ZNF804A: variants seen among roughly 807,000 people sequenced by gnomAD.
ZNF804A encodes zinc finger protein 804A.
ZNF804A carries 2 observed loss-of-function variants against 16.5 expected under a neutral mutation model. That is an observed-to-expected ratio of 0.12 (90% CI 0.05 to 0.38). The LOEUF is 0.38. Among genes scored for constraint, ZNF804A ranks in the 10% least tolerant of loss-of-function variants. The probability of loss-of-function intolerance (pLI) is 0.99; values close to 1 mark genes in which losing one functional copy is unlikely to be tolerated. For synonymous variants in ZNF804A, 534 were observed against 489.6 expected (o/e 1.09, Z -1.20); for missense variants, 1,473 against 1,390.7 (o/e 1.06, Z -0.94).
intron 1 of ZNF804A, among the ~76,000 whole-genome samples, chr2:184,703,147 C>A (rs140494249): frequency 6.6e-6 from 1 of 152,060 alleles, no homozygotes; most frequent in East Asian, 1.9e-4. Flanking sequence ...TGTTTACTAC[C>A]CAAATAATTT....
intron 1 of ZNF804A, among the ~76,000 whole-genome samples, chr2:184,836,422 G>A (rs1025837755): frequency 6.6e-6 from 1 of 152,120 alleles, no homozygotes; most frequent in Non-Finnish European, 1.5e-5. Flanking sequence ...TACAGAATCA[G>A]TGTCTTAGAG....
intron 2 of ZNF804A, among the ~76,000 whole-genome samples, chr2:184,905,581 A>AT (rs1685258065): frequency 1.3e-5 from 2 of 151,986 alleles, no homozygotes; most frequent in South Asian, 4.2e-4. Flanking sequence ...GTGATGTGTT[A>AT]TTTTTTCTGT....
chr2:184,669,051 G>T (rs1415902391), intron 1 of ZNF804A, among the ~76,000 whole-genome samples: 1 of 151,898 alleles, frequency 6.6e-6, no homozygotes, highest in Non-Finnish European at 1.5e-5. Context: ...TTGTGAGGGA[G>T]CATCCCTTTT....
At chr2:184,707,007 C>A (rs922286657) in intron 1 of ZNF804A, among the ~76,000 whole-genome samples, 52 of 152,088 alleles carry the variant, frequency 3.4e-4, no homozygotes, top group African/African-American at 1.2e-3. Flanking sequence ...ATGTGAAAAT[C>A]TTTTACCTGA....
chr2:184,607,302 T>C (rs1691165189), intron 1 of ZNF804A, among the ~76,000 whole-genome samples: 2 of 152,200 alleles, frequency 1.3e-5, no homozygotes, highest in African/African-American at 4.8e-5. Flanking sequence ...TATAAGGACA[T>C]AATTGAGACT....
chr2:184,867,882 C>T (rs1219501427), intron 2 of ZNF804A, among the ~76,000 whole-genome samples: 2 of 152,022 alleles, frequency 1.3e-5, no homozygotes, highest in Non-Finnish European at 2.9e-5. Context: ...TATATTACTA[C>T]ACATATGTCT....
At chr2:184,698,237 GAACAT>G (rs1467362179) in intron 1 of ZNF804A, among the ~76,000 whole-genome samples, 1 of 151,996 alleles carries the variant, frequency 6.6e-6, no homozygotes, top group Non-Finnish European at 1.5e-5. Context: ...GCTGTACAGA[GAACAT>G]AAAGGGTTCA....
intron 1 of ZNF804A, among the ~76,000 whole-genome samples, chr2:184,757,789 G>T (rs1264885593): frequency 1.3e-5 from 2 of 151,880 alleles, no homozygotes; most frequent in Admixed American, 1.3e-4. Context: ...GTGATTATGT[G>T]TAGGGGTGTG....
At chr2:184,770,538 T>C (rs755106849) in intron 1 of ZNF804A, among the ~76,000 whole-genome samples, 35 of 132,406 alleles carry the variant, frequency 2.6e-4, no homozygotes, top group Admixed American at 3.5e-4. Context: ...CAAACATTTA[T>C]GTTCTTTATG....
intron 1 of ZNF804A, among the ~76,000 whole-genome samples, chr2:184,844,909 C>T (rs1695490856): frequency 6.6e-6 from 1 of 151,140 alleles, no homozygotes; most frequent in South Asian, 2.1e-4. Flanking sequence ...TGCTTATTTG[C>T]TTCTTTCCTT....
rs1049773351 is a variant in ZNF804A at position 184,844,181 on chromosome 2, C to G, written c.112-22188C>G. On this transcript the variant is annotated intron_variant, in intron 1 of 3. Transcript: ENST00000302277. Reference sequence around the variant, plus strand: ...GAGAGTATTCCTAATTATACCCCCCCCCATTTCTTCTTAAATTGCTGTGAT... The same window carrying G: ...GAGAGTATTCCTAATTATACCCCCCGCCATTTCTTCTTAAATTGCTGTGAT... Among the ~76,000 whole-genome samples the G allele has an allele frequency of 3.3e-5, 5 of 151,708 alleles. No individual in the cohort carries two copies. The East Asian group carries it at 9.7e-4, about 29-fold the overall frequency.
intron 1 of ZNF804A, among the ~76,000 whole-genome samples, chr2:184,650,275 A>T (rs1287615778): frequency 2.6e-5 from 4 of 152,062 alleles, no homozygotes; most frequent in Non-Finnish European, 4.4e-5. Context: ...CATGATAAAA[A>T]CTCTTCAGAA....
chr2:184,928,499 T>C (rs1178786984), intron 2 of ZNF804A, among the ~76,000 whole-genome samples: 1 of 152,122 alleles, frequency 6.6e-6, no homozygotes, highest in Non-Finnish European at 1.5e-5. Flanking sequence ...GCATCAGCCC[T>C]CCCTTAGCCA....
chr2:184,735,881 C>T (rs1559138042), intron 1 of ZNF804A, among the ~76,000 whole-genome samples: 1 of 152,134 alleles, frequency 6.6e-6, no homozygotes, highest in Non-Finnish European at 1.5e-5. Flanking sequence ...AGCAAAAATA[C>T]TTAAAAATTA....
intron 1 of ZNF804A, among the ~76,000 whole-genome samples, chr2:184,656,177 T>A (rs1402386419): frequency 6.6e-6 from 1 of 152,156 alleles, no homozygotes; most frequent in African/African-American, 2.4e-5. Context: ...GTATCTGTGG[T>A]ATACATCAGA....
chr2:184,913,429 G>T (rs72893066), intron 2 of ZNF804A, among the ~76,000 whole-genome samples: 7,671 of 152,042 alleles, frequency 0.05, 255 homozygotes, highest in Middle Eastern at 0.078. Context: ...GGCTTCTCTT[G>T]GCATTTCTTA....
intron 1 of ZNF804A, among the ~76,000 whole-genome samples, chr2:184,613,477 A>G (rs191356315): frequency 1.5e-3 from 236 of 152,338 alleles, no homozygotes; most frequent in African/African-American, 5.5e-3. Context: ...GCCGACCAAT[A>G]TAATACCAGA....
intron 1 of ZNF804A, among the ~76,000 whole-genome samples, chr2:184,784,066 G>A (rs1335200193): frequency 6.6e-6 from 1 of 151,802 alleles, no homozygotes; most frequent in Admixed American, 6.6e-5. Context: ...CATCCAGTTT[G>A]GTTATCAGAA....
At chr2:184,612,523 C>A (rs1270640389) in intron 1 of ZNF804A, among the ~76,000 whole-genome samples, 1 of 151,566 alleles carries the variant, frequency 6.6e-6, no homozygotes, top group Non-Finnish European at 1.5e-5. Flanking sequence ...ACTGCAACCT[C>A]CGCCTCCCAG....
Sources: gnomAD v4.1 joint callset for allele counts (sites outside exome capture counted in the v4.1 genomes callset) on GRCh38, gnomAD v4.1.1 for gene constraint, MANE v1.5 for transcripts, NCBI Gene and HGNC (gene_info 2026-07-23, HGNC 2026-07-21) for gene names.